CHST12: variants seen among roughly 807,000 people sequenced by gnomAD.
CHST12 encodes carbohydrate (chondroitin 4) sulfotransferase 12.
In CHST12, 23 loss-of-function variants were observed where a neutral mutation model predicts 27.9. The observed-to-expected ratio is 0.82, with a 90% CI of 0.59 to 1.17. The LOEUF (loss-of-function observed/expected upper bound fraction) is 1.17. Among genes scored for constraint, CHST12 ranks in the 50% most tolerant of loss-of-function variants. CHST12 has a pLI of 0.00. For missense variants in CHST12, 682 were observed against 603.0 expected (o/e 1.13, Z -1.37); for synonymous variants, 322 against 273.0 (o/e 1.18, Z -1.77).
At chr7:2,412,458 G>C (rs1781690848) in intron 1 of CHST12, among the ~76,000 whole-genome samples, 2 of 152,194 alleles carry the variant, frequency 1.3e-5, no homozygotes, top group Admixed American at 1.3e-4. Context: ...GAAGTAGGTA[G>C]TTTCTGGTCT....
chr7:2,433,221 G>A lies in CHST12; in HGVS notation c.582G>A (p.Ala194=). 2.5e-6 allele frequency: 4 copies of A among 1,612,206 alleles called. No individual in the cohort carries two copies. Among genetic ancestry groups the A allele is most frequent in the Non-Finnish European group, 3.4e-6 (4 of 1,179,292 alleles). ...VLSGSLLHRG[A]PYRDPLRIPR... ...GCGGAAGCCTGCTGCACCGCGGTGC[G>A]CCCTACCGCGACCCGCTGCGCATCC... is the stretch of plus-strand genomic sequence containing the variant. Residue 194 remains alanine, a synonymous_variant, in exon 2 of 2, where the codon GCG becomes GCA. Transcript: ENST00000618655. This position sits in a 1 kb window ranked among gnomAD's most constrained non-coding sequence, Gnocchi z 6.1.
At chr7:2,411,840 A>G (rs1781676172) in intron 1 of CHST12, among the ~76,000 whole-genome samples, 1 of 152,328 alleles carries the variant, frequency 6.6e-6, no homozygotes, top group South Asian at 2.1e-4. Context: ...TGGATTCTAG[A>G]GTCAAATACC....
chr7:2,434,516 C>T lies in CHST12; in HGVS notation c.*632C>T, dbSNP rs1470397616. On this transcript the variant is annotated 3_prime_UTR_variant, in exon 2 of 2. Coordinates refer to ENST00000618655, the MANE Select transcript of CHST12 (RefSeq NM_018641.5). The stretch of plus-strand genomic sequence containing the variant: ...ATCCCAGAACTTTGGGAGGCCCAGA[C>T]AGAAGGATCGCTTGAGGTCAGGAAT... 2.7e-5 allele frequency: 4 copies of T among 148,496 alleles called. No homozygotes were observed. The highest frequency in any genetic ancestry group is 6.0e-5 in the Non-Finnish European group (4 of 66,506). The allele number at this position is 148,496 out of a possible 1,614,324, so 9.2% of individuals were successfully genotyped here. A position where few individuals can be genotyped will look rare whatever the true frequency, so the allele number is the denominator to read the frequency against.
intron 1 of CHST12, among the ~76,000 whole-genome samples, chr7:2,415,573 G>T (rs1477640803): frequency 6.6e-6 from 1 of 151,780 alleles, no homozygotes; most frequent in Non-Finnish European, 1.5e-5. Flanking sequence ...TCAGGGCGGT[G>T]GTTGCTGAAG....
intron 1 of CHST12, among the ~76,000 whole-genome samples, chr7:2,415,687 A>G (rs893821311): frequency 6.7e-6 from 1 of 149,560 alleles, no homozygotes; most frequent in Non-Finnish European, 1.5e-5. Context: ...ATCTTGGCTC[A>G]CTGCAAGCTC....
intron 1 of CHST12, among the ~76,000 whole-genome samples, chr7:2,428,375 T>C (rs530480417): frequency 6.6e-6 from 1 of 152,206 alleles, no homozygotes; most frequent in African/African-American, 2.4e-5. Flanking sequence ...TTTGTATTTT[T>C]TAGTAGAGAC....
intron 1 of CHST12, among the ~76,000 whole-genome samples, chr7:2,423,942 C>G (rs1430329082): frequency 1.3e-5 from 2 of 152,148 alleles, no homozygotes; most frequent in East Asian, 1.9e-4. Flanking sequence ...TGGCACACGC[C>G]TATGGTCCCA....
intron 1 of CHST12, among the ~76,000 whole-genome samples, chr7:2,426,317 G>C (rs1408839811): frequency 6.6e-6 from 1 of 152,146 alleles, no homozygotes; most frequent in Non-Finnish European, 1.5e-5. Flanking sequence ...AGATTCACTC[G>C]GTATTGACTG....
intron 1 of CHST12, among the ~76,000 whole-genome samples, chr7:2,414,547 A>G (rs1352235263): frequency 6.6e-6 from 1 of 152,194 alleles, no homozygotes; most frequent in Non-Finnish European, 1.5e-5. Context: ...GGCCTCCCAA[A>G]GTGCTGGGAT....
intron 1 of CHST12, among the ~76,000 whole-genome samples, chr7:2,406,548 C>G (rs1294446184): frequency 6.6e-6 from 1 of 151,592 alleles, no homozygotes; most frequent in Non-Finnish European, 1.5e-5. Context: ...CAGTGCTGAA[C>G]AGGGCACAGG....
rs1285997593 is a variant in CHST12, at chr7:2,433,264, A to G, written c.625A>G (p.Asn209Asp). Reference protein sequence around the residue: ...PLRIPREHVHNASAHLTFNKF... With the variant: ...PLRIPREHVHDASAHLTFNKF... ...GCGCATCCCGCGCGAGCACGTGCAC[A>G]ACGCCAGCGCGCACCTGACCTTCAA... Residue 209 changes from asparagine to aspartate, a missense_variant, in exon 2 of 2, where the codon AAC (asparagine) becomes GAC (aspartate). Transcript: ENST00000618655. The surrounding 1 kb of genome is among the most constrained non-coding windows in gnomAD (Gnocchi z 6.1). 3 of 1,611,462 alleles carry G rather than the reference A, an allele frequency of 1.9e-6. No homozygotes were observed. Among genetic ancestry groups the G allele is most frequent in the East Asian group, 2.2e-5 (1 of 44,790 alleles).
chr7:2,431,759 T>G (rs1264178511), intron 1 of CHST12, among the ~76,000 whole-genome samples: 1 of 152,150 alleles, frequency 6.6e-6, no homozygotes, highest in African/African-American at 2.4e-5. Context: ...GCTCTCAGGG[T>G]GGCCCTGATG....
intron 1 of CHST12, among the ~76,000 whole-genome samples, chr7:2,411,520 T>C (rs1451081205): frequency 2.3e-5 from 2 of 85,860 alleles, no homozygotes; most frequent in African/African-American, 5.3e-5. Context: ...AGACGGAGTC[T>C]CACTGTTGGC....
At chr7:2,416,954 G>C (rs560501795) in intron 1 of CHST12, among the ~76,000 whole-genome samples, 119 of 152,306 alleles carry the variant, frequency 7.8e-4, no homozygotes, top group African/African-American at 2.8e-3. Flanking sequence ...GGAAAGAAAA[G>C]AAGGCAGCTT....
chr7:2,428,449 G>C (rs533683214), intron 1 of CHST12, among the ~76,000 whole-genome samples: 1 of 152,266 alleles, frequency 6.6e-6, no homozygotes, highest in Non-Finnish European at 1.5e-5. Flanking sequence ...TTCCCAGGCG[G>C]ATCAGCAGGT....
chr7:2,412,483 T>C (rs1781691712), intron 1 of CHST12, among the ~76,000 whole-genome samples: 1 of 152,250 alleles, frequency 6.6e-6, no homozygotes, highest in African/African-American at 2.4e-5. Flanking sequence ...GTCAGTAGCA[T>C]AAATAAATAA....
chr7:2,429,407 G>T (rs184284571), intron 1 of CHST12, among the ~76,000 whole-genome samples: 25 of 152,142 alleles, frequency 1.6e-4, no homozygotes, highest in African/African-American at 6.0e-4. Context: ...TCACTGGTTT[G>T]GGTATTAGGA....
Position 2,438,279 on chromosome 7 carries a change from C to T in CHST12, c.*4395C>T, listed in dbSNP as rs1782520913. 6.6e-6 allele frequency: 1 copy of T among 152,210 alleles called. No homozygotes were observed. Among genetic ancestry groups the T allele is most frequent in the South Asian group, 2.1e-4 (1 of 4,820 alleles). The allele number at this position is 152,210 out of a possible 1,614,324, so 9.4% of individuals were successfully genotyped here. The stretch of plus-strand genomic sequence containing the variant: ...CGGCAGAATGTTGGGGCCACACCAA[C>T]GTCCCCAGAGTCTTCTCCCTAGAGT... On this transcript the variant is annotated 3_prime_UTR_variant, in exon 2 of 2. Transcript: ENST00000618655.
In CHST12 at chr7:2,433,246, C is replaced by G. The variant is rs570692238; in HGVS notation, c.607C>G (p.Pro203Ala). ...GCCCTACCGCGACCCGCTGCGCATC[C>G]CGCGCGAGCACGTGCACAACGCCAG... The part of the protein sequence containing the change: ...GAPYRDPLRI[P>A]REHVHNASAH... The change falls in exon 2 of 2, where the codon CCG becomes GCG. Residue 203 changes from proline to alanine, a missense_variant. Physicochemically the swap from Pro to Ala is conservative, Grantham distance 27. Transcript: ENST00000618655. This position sits in a 1 kb window ranked among gnomAD's most constrained non-coding sequence, Gnocchi z 6.1. 2 of 1,611,652 alleles carry G rather than the reference C, an allele frequency of 1.2e-6. No individual in the cohort carries two copies. The highest frequency in any genetic ancestry group is 1.7e-6 in the Non-Finnish European group (2 of 1,178,814).
Sources: allele counts gnomAD v4.1 joint callset (sites outside exome capture counted in the v4.1 genomes callset), GRCh38; gene constraint gnomAD v4.1.1; non-coding constraint Gnocchi (gnomAD v3.1); transcripts MANE v1.5; gene names NCBI Gene and HGNC (gene_info 2026-07-23, HGNC 2026-07-21).